BICDL1: variants seen among roughly 807,000 people sequenced by gnomAD.
The protein encoded by BICDL1 is BICD family like cargo adaptor 1, also known as BICD family-like cargo adapter 1.
A neutral mutation model predicts 76.8 loss-of-function variants in BICDL1; 20 were observed. That is an observed-to-expected ratio of 0.26 (90% CI 0.18 to 0.38). BICDL1 has a LOEUF of 0.38. Ranked by LOEUF, BICDL1 falls within the 10% of genes least tolerant of loss-of-function variation. BICDL1 has a pLI of 1.00. For synonymous variants in BICDL1, 383 were observed against 337.1 expected (o/e 1.14, Z -1.49); for missense variants, 700 against 798.6 (o/e 0.88, Z 1.49).
At chr12:120,065,212 G>A (rs1427161470) in intron 4 of BICDL1, among the ~76,000 whole-genome samples, 1 of 152,196 alleles carries the variant, frequency 6.6e-6, no homozygotes, top group African/African-American at 2.4e-5. Context: ...CTGCTAGAAG[G>A]TTTCAGAGGG....
At chr12:120,001,401 C>CA (rs776176454) in intron 2 of BICDL1, among the ~76,000 whole-genome samples, 110 of 152,250 alleles carry the variant, frequency 7.2e-4, no homozygotes, top group Non-Finnish European at 9.6e-4. Context: ...CGCCTGCCAC[C>CA]ACGCCCGGCT....
chr12:120,089,894 G>T, intron 8 of BICDL1, 57 bp from the exon 9 acceptor site: 2 of 1,594,344 alleles, frequency 1.3e-6, no homozygotes, highest in South Asian at 2.3e-5. Context: ...CCCAAGTAAA[G>T]ACCAAGATGC....
chr12:120,014,161 C>T (rs1467822247), intron 2 of BICDL1, among the ~76,000 whole-genome samples: 3 of 152,202 alleles, frequency 2.0e-5, no homozygotes, highest in Non-Finnish European at 4.4e-5. Context: ...TTGTTTTATG[C>T]AGTCTGTTTA....
At position 119,989,525 on chromosome 12, in the gene BICDL1, C is replaced by T. The variant is rs959800442; in HGVS notation, c.-344C>T. 6.6e-6 allele frequency among the ~76,000 whole-genome samples: 1 copy of T among 150,474 alleles called. No individual in the cohort carries two copies. Among genetic ancestry groups the T allele is most frequent in the Admixed American group, 6.6e-5 (1 of 15,148 alleles). On this transcript the variant is annotated 5_prime_UTR_variant, in exon 1 of 10. Coordinates refer to ENST00000548673, the MANE Select transcript of BICDL1 (RefSeq NM_001367886.1). Reference sequence around the variant, plus strand: ...TGAGAACCCGGCGGCGGCGTTCCTCCTCGCTTCCTCCCCTCCCGCTTCGCC... The same window carrying T: ...TGAGAACCCGGCGGCGGCGTTCCTCTTCGCTTCCTCCCCTCCCGCTTCGCC...
intron 2 of BICDL1, among the ~76,000 whole-genome samples, chr12:120,024,657 C>G (rs1456069462): frequency 1.3e-5 from 2 of 151,806 alleles, no homozygotes; most frequent in Non-Finnish European, 2.9e-5. Context: ...TATGTACTCT[C>G]AAATATAATA....
chr12:120,002,178 C>T (rs1219000799), intron 2 of BICDL1, among the ~76,000 whole-genome samples: 1 of 152,202 alleles, frequency 6.6e-6, no homozygotes, highest in African/African-American at 2.4e-5. Flanking sequence ...TTCTCCTAAC[C>T]TTATAAGGAC....
chr12:119,995,847 G>A (rs970175800), intron 1 of BICDL1, among the ~76,000 whole-genome samples: 7 of 151,234 alleles, frequency 4.6e-5, no homozygotes, highest in African/African-American at 1.5e-4. Context: ...TTAGCTGGGC[G>A]TGGTGGTGGG....
chr12:120,084,301 C>T (rs1339882800), intron 8 of BICDL1, among the ~76,000 whole-genome samples: 1 of 152,184 alleles, frequency 6.6e-6, no homozygotes, highest in East Asian at 1.9e-4. Flanking sequence ...CACACCCGGC[C>T]AACACTTTTA....
intron 7 of BICDL1, 38 bp from the exon 8 acceptor site, chr12:120,080,848 AG>A: frequency 6.2e-7 from 1 of 1,603,708 alleles, no homozygotes; most frequent in South Asian, 1.1e-5. Context: ...AAAACCACCC[AG>A]GACAGCAGCA....
At chr12:120,052,225 C>G (rs1363157167) in intron 2 of BICDL1, among the ~76,000 whole-genome samples, 2 of 151,610 alleles carry the variant, frequency 1.3e-5, no homozygotes, top group African/African-American at 4.8e-5. Context: ...TACAGGCATG[C>G]CTTGTTTTTC....
At chr12:120,068,553 C>T (rs1241549911) in intron 4 of BICDL1, among the ~76,000 whole-genome samples, 3 of 152,214 alleles carry the variant, frequency 2.0e-5, no homozygotes, top group African/African-American at 4.8e-5. Flanking sequence ...TGGTGGCTTA[C>T]GCCTGTAATC....
At chr12:120,026,513 C>T (rs1207908683) in intron 2 of BICDL1, among the ~76,000 whole-genome samples, 3 of 152,114 alleles carry the variant, frequency 2.0e-5, no homozygotes, top group Non-Finnish European at 2.9e-5. Flanking sequence ...TAAAATGGAA[C>T]CGAAGGCTTT....
intron 2 of BICDL1, among the ~76,000 whole-genome samples, chr12:120,008,573 G>A (rs561770258): frequency 1.5e-4 from 23 of 152,294 alleles, no homozygotes; most frequent in Non-Finnish European, 2.9e-4. Flanking sequence ...TTGGCTTTTT[G>A]TAAATCTTCC....
chr12:120,061,569 T>A, intron 2 of BICDL1, 141 bp from the exon 3 acceptor site: 1 of 699,280 alleles, frequency 1.4e-6, no homozygotes, highest in Admixed American at 2.1e-5. Flanking sequence ...AGAGAACAAA[T>A]GGATGGGAAA....
intron 2 of BICDL1, among the ~76,000 whole-genome samples, chr12:120,055,757 T>G (rs924279422): frequency 6.6e-6 from 1 of 152,200 alleles, no homozygotes; most frequent in Non-Finnish European, 1.5e-5. Context: ...ATCTAAAGAT[T>G]AAAACATTGC....
In BICDL1 at chr12:120,071,494, A is replaced by G; in HGVS notation, c.910-128A>G. The G allele has an allele frequency of 1.5e-6, 2 of 1,319,376 alleles. No homozygotes were observed. Among genetic ancestry groups the G allele is most frequent in the Non-Finnish European group, 2.0e-6 (2 of 997,830 alleles). 81.7% of individuals were successfully genotyped at this position (1,319,376 alleles called of 1,614,324 possible). ...AGTGCATCTCCTGATGTAGTTTAAC[A>G]TGTTCTTCTCTCCTATTTATTTTTC... On this transcript the variant is annotated intron_variant, in intron 4 of 9. Coordinates refer to ENST00000548673, the MANE Select transcript of BICDL1 (RefSeq NM_001367886.1). The surrounding 1 kb of genome is among the most constrained non-coding windows in gnomAD (Gnocchi z 4.8).
chr12:119,989,766 A>T lies in BICDL1; in HGVS notation c.-103A>T. Reference sequence around the variant, plus strand: ...ACCCGGGGGCGCGTGCCGCGGCGCGAGGCGAGGCGCGGGACGCGGGGCGGC... The same window carrying T: ...ACCCGGGGGCGCGTGCCGCGGCGCGTGGCGAGGCGCGGGACGCGGGGCGGC... On this transcript the variant is annotated 5_prime_UTR_variant, in exon 1 of 10. Transcript: ENST00000548673. 1 of 390,896 alleles carries T rather than the reference A, an allele frequency of 2.6e-6. No homozygotes were observed. The highest frequency in any genetic ancestry group is 3.4e-6 in the Non-Finnish European group (1 of 293,402). 24.2% of individuals were successfully genotyped at this position (390,896 alleles called of 1,614,324 possible).
At chr12:120,036,670 G>A (rs1386354321) in intron 2 of BICDL1, among the ~76,000 whole-genome samples, 1 of 152,186 alleles carries the variant, frequency 6.6e-6, no homozygotes, top group Admixed American at 6.5e-5. Context: ...GAGGTCAGGA[G>A]TTCAAGACCA....
At chr12:119,995,874 T>C (rs1159768182) in intron 1 of BICDL1, among the ~76,000 whole-genome samples, 1 of 151,462 alleles carries the variant, frequency 6.6e-6, no homozygotes, top group Non-Finnish European at 1.5e-5. Context: ...TAGTCCCAGC[T>C]ACTCGGGAGG....
Sources: allele counts gnomAD v4.1 joint callset (sites outside exome capture counted in the v4.1 genomes callset), GRCh38; gene constraint gnomAD v4.1.1; non-coding constraint Gnocchi (gnomAD v3.1); transcripts MANE v1.5; gene names NCBI Gene and HGNC (gene_info 2026-07-23, HGNC 2026-07-21).